The following PPARD variants were observed in gnomAD, a reference collection of about 807,000 sequenced individuals.
PPARD encodes peroxisome proliferator-activated receptor delta.
In PPARD, 6 loss-of-function variants were observed where a neutral mutation model predicts 39.5. That is an observed-to-expected ratio of 0.15 (90% CI 0.08 to 0.30). The LOEUF is 0.30. Among genes scored for constraint, PPARD ranks in the 10% least tolerant of loss-of-function variants. The probability of loss-of-function intolerance (pLI) is 1.00; values close to 1 mark genes in which losing one functional copy is unlikely to be tolerated. For synonymous variants in PPARD, 210 were observed against 231.3 expected (o/e 0.91, Z 0.83); for missense variants, 397 against 596.8 (o/e 0.67, Z 3.49).
intron 2 of PPARD, among the ~76,000 whole-genome samples, chr6:35,406,503 G>A (rs73413741): frequency 2.8e-4 from 43 of 152,294 alleles, no homozygotes; most frequent in African/African-American, 1.0e-3. Flanking sequence ...ATGCAGGGAT[G>A]GGCTGCAGCA....
At chr6:35,377,888 A>G (rs1341705771) in intron 2 of PPARD, among the ~76,000 whole-genome samples, 1 of 92,214 alleles carries the variant, frequency 1.1e-5, no homozygotes, top group African/African-American at 1.8e-4. Context: ...TTTTTGAGAC[A>G]GAGTGTTGCT....
chr6:35,365,443 C>T (rs921990326), intron 2 of PPARD, among the ~76,000 whole-genome samples: 3 of 150,174 alleles, frequency 2.0e-5, no homozygotes, highest in African/African-American at 5.0e-5. Flanking sequence ...CCCAGCCCCT[C>T]ATTCTTTTTT....
chr6:35,404,655 A>G (rs548145854), intron 2 of PPARD, among the ~76,000 whole-genome samples: 101 of 152,292 alleles, frequency 6.6e-4, no homozygotes, highest in Middle Eastern at 6.8e-3. Context: ...GCTGCCCTGA[A>G]AGTGAGCCCC....
chr6:35,399,673 C>T (rs1381637251), intron 2 of PPARD, among the ~76,000 whole-genome samples: 2 of 152,166 alleles, frequency 1.3e-5, no homozygotes, highest in Admixed American at 6.5e-5. Flanking sequence ...GTCACACCTG[C>T]ACCCCAGCCT....
chr6:35,400,657 A>G (rs1764644581), intron 2 of PPARD, among the ~76,000 whole-genome samples: 1 of 152,042 alleles, frequency 6.6e-6, no homozygotes, highest in African/African-American at 2.4e-5. Context: ...AAAATTTGCC[A>G]GGCGTGGTGG....
chr6:35,426,007 G>A lies in PPARD; in HGVS notation c.1254G>A (p.Gln418=). 2.5e-6 allele frequency: 4 copies of A among 1,614,112 alleles called. No individual in the cohort carries two copies. The highest frequency in any genetic ancestry group is 3.4e-6 in the Non-Finnish European group (4 of 1,180,038). The change falls in exon 8 of 8, where the codon CAG becomes CAA. Residue 418 remains glutamine, a synonymous_variant. Transcript: ENST00000360694. The stretch of plus-strand genomic sequence containing the variant: ...TCACCGAGCACGCCCAGATGATGCA[G>A]CGGATCAAGAAGACCGAAACCGAGA... ...QLVTEHAQMM[Q]RIKKTETETS...
intron 1 of PPARD, among the ~76,000 whole-genome samples, chr6:35,346,005 T>A (rs1387902584): frequency 6.6e-6 from 1 of 151,440 alleles, no homozygotes; most frequent in African/African-American, 2.4e-5. Flanking sequence ...GCCTCCTGAG[T>A]AGCTGGGACT....
At chr6:35,355,761 G>A (rs1335830968) in intron 2 of PPARD, among the ~76,000 whole-genome samples, 4 of 151,024 alleles carry the variant, frequency 2.6e-5, no homozygotes, top group South Asian at 2.1e-4. Flanking sequence ...ACAGGCGCCC[G>A]CCACCACTCC....
At chr6:35,384,198 C>G (rs1427179506) in intron 2 of PPARD, among the ~76,000 whole-genome samples, 1 of 141,104 alleles carries the variant, frequency 7.1e-6, no homozygotes, top group African/African-American at 2.7e-5. Context: ...CCAGCGGCCC[C>G]GTCCGGGAGG....
At chr6:35,393,682 C>G (rs1764147326) in intron 2 of PPARD, among the ~76,000 whole-genome samples, 1 of 152,172 alleles carries the variant, frequency 6.6e-6, no homozygotes, top group Non-Finnish European at 1.5e-5. Flanking sequence ...TTTTCTGAAT[C>G]TCTAGGGTGC....
chr6:35,409,805 A>G (rs1268330512), intron 2 of PPARD, among the ~76,000 whole-genome samples: 2 of 152,202 alleles, frequency 1.3e-5, no homozygotes, highest in Non-Finnish European at 2.9e-5. Flanking sequence ...TGTTTTGTAC[A>G]AACTTGGCTG....
chr6:35,355,868 C>T (rs530847533), intron 2 of PPARD, among the ~76,000 whole-genome samples: 90 of 151,876 alleles, frequency 5.9e-4, no homozygotes, highest in African/African-American at 2.0e-3. Context: ...GTCTCAGCCT[C>T]CCAAAGTGCT....
rs1184150143 is a variant in PPARD at position 35,350,683 on chromosome 6, TGGC to T, written c.-102+3535_-102+3537del. On this transcript the variant is annotated intron_variant, in intron 2 of 7. Coordinates refer to ENST00000360694, the MANE Select transcript of PPARD (RefSeq NM_006238.5). ...TTGCCCAGGATGGAGTGCAGTGGCG[TGGC>T]GTGATGTTGGCTCACTGCAGCCTCT... Among the ~76,000 whole-genome samples, 133 of 144,018 alleles carry T rather than the reference TGGC, an allele frequency of 9.2e-4. 2 individuals are homozygous for T. The highest frequency in any genetic ancestry group is 6.0e-3 in the South Asian group (27 of 4,464). The allele number at this position is 144,018 out of a possible 152,430, so 94.5% of individuals were successfully genotyped here.
intron 2 of PPARD, among the ~76,000 whole-genome samples, chr6:35,357,341 C>G (rs1761672411): frequency 6.6e-6 from 1 of 152,188 alleles, no homozygotes; most frequent in Admixed American, 6.5e-5. Flanking sequence ...AGCCCCCTCT[C>G]CTGTGTAAAA....
rs184902828 is a variant in PPARD, at chr6:35,369,866, G to C, written c.-102+22716G>C. Among the ~76,000 whole-genome samples the C allele has an allele frequency of 9.2e-5, 14 of 152,280 alleles. No individual in the cohort carries two copies. In the East Asian group the frequency reaches 2.7e-3, roughly 29 times the overall value. ...CTAGAACAAAAGCTCTTTGAGAACAGTCACCTTCTCTGTCTCCCCTACTAC... is the reference window on the plus strand; with the variant it reads ...CTAGAACAAAAGCTCTTTGAGAACACTCACCTTCTCTGTCTCCCCTACTAC... On this transcript the variant is annotated intron_variant, in intron 2 of 7. Transcript: ENST00000360694.
chr6:35,384,968 G>A (rs1194404624), intron 2 of PPARD, among the ~76,000 whole-genome samples: 5 of 136,654 alleles, frequency 3.7e-5, no homozygotes, highest in Admixed American at 6.9e-5. Flanking sequence ...AGGTGGGGGG[G>A]TCAGCCCCCC....
At chr6:35,385,949 C>T (rs73411802) in intron 2 of PPARD, among the ~76,000 whole-genome samples, 10,421 of 151,814 alleles carry the variant, frequency 0.069, 759 homozygotes, top group African/African-American at 0.19. Flanking sequence ...ATTTCAAGGG[C>T]GGGTGAGGGA....
chr6:35,423,552 A>T (rs1766349833), intron 5 of PPARD, among the ~76,000 whole-genome samples: 1 of 151,900 alleles, frequency 6.6e-6, no homozygotes, highest in Non-Finnish European at 1.5e-5. Context: ...AAAAGAAAAG[A>T]AAAAGAAAAG....
chr6:35,370,827 C>T (rs1206633320), intron 2 of PPARD, among the ~76,000 whole-genome samples: 3 of 152,188 alleles, frequency 2.0e-5, no homozygotes, highest in Admixed American at 6.5e-5. Context: ...AAAAGAGCGG[C>T]TAGATGGCAA....
Sources: gnomAD v4.1 joint callset for allele counts (sites outside exome capture counted in the v4.1 genomes callset) on GRCh38, gnomAD v4.1.1 for gene constraint, MANE v1.5 for transcripts, NCBI Gene and HGNC (gene_info 2026-07-23, HGNC 2026-07-21) for gene names.